The following MAP2K2 variants were observed in gnomAD, a reference collection of about 807,000 sequenced individuals.
The protein encoded by MAP2K2 is mitogen-activated protein kinase kinase 2, also known as dual specificity mitogen-activated protein kinase kinase 2.
Under a neutral mutation model 43.7 loss-of-function variants are expected in MAP2K2, and 24 were observed. That is an observed-to-expected ratio of 0.55 (90% CI 0.40 to 0.77). The LOEUF (loss-of-function observed/expected upper bound fraction) is 0.77. Ranked by LOEUF, MAP2K2 falls within the 30% of genes least tolerant of loss-of-function variation. The pLI, the probability that MAP2K2 is intolerant of heterozygous loss-of-function variation, is 0.00. For synonymous variants in MAP2K2, 244 were observed against 239.7 expected (o/e 1.02, Z -0.17); for missense variants, 470 against 566.8 (o/e 0.83, Z 1.73).
chr19:4,102,702 C>T (rs913967254), intron 3 of MAP2K2: 3 of 1,186,142 alleles, frequency 2.5e-6, no homozygotes, highest in Non-Finnish European at 3.4e-6. Context: ...ATCCTCGAAT[C>T]AGTTGCGTGA....
chr19:4,099,592 A>C lies in MAP2K2; in HGVS notation c.706-178T>G, dbSNP rs1367434774. The C allele has an allele frequency of 2.1e-5, 13 of 618,416 alleles. No individual in the cohort carries two copies. The Admixed American group carries it at 2.5e-4, about 12-fold the overall frequency. 38.3% of individuals were successfully genotyped at this position (618,416 alleles called of 1,614,324 possible). A position where few individuals can be genotyped will look rare whatever the true frequency, so the allele number is the denominator to read the frequency against. On this transcript the variant is annotated intron_variant, in intron 6 of 10. Coordinates refer to ENST00000262948, the MANE Select transcript of MAP2K2 (RefSeq NM_030662.4). ...CACCCACCCAGGGCCTCCCTGCGGC[A>C]CTTGCTGAAGAGGCTTCCAGCCCGA...
In MAP2K2 at chr19:4,101,325, C is replaced by G. The variant is rs536555820; in HGVS notation, c.529-45G>C. The G allele has an allele frequency of 2.6e-6, 4 of 1,555,774 alleles. No homozygotes were observed. Among genetic ancestry groups the G allele is most frequent in the South Asian group, 1.2e-5 (1 of 84,478 alleles). Reference sequence around the variant, plus strand: ...GAGTCACGGGACAAGGCCACCAGGGCTTAGCTCCTGACCGAGCCCGGGGGT... The same window carrying G: ...GAGTCACGGGACAAGGCCACCAGGGGTTAGCTCCTGACCGAGCCCGGGGGT... On this transcript the variant is annotated intron_variant, in intron 4 of 10. Coordinates refer to ENST00000262948, the MANE Select transcript of MAP2K2 (RefSeq NM_030662.4). The surrounding 1 kb of genome is among the most constrained non-coding windows in gnomAD (Gnocchi z 6.3).
chr19:4,112,550 T>C (rs1473379403), intron 2 of MAP2K2, among the ~76,000 whole-genome samples: 2 of 152,162 alleles, frequency 1.3e-5, no homozygotes, highest in Non-Finnish European at 2.9e-5. Flanking sequence ...TCTAGGCCTG[T>C]GACCTTGAGA....
At chr19:4,107,759 G>C (rs919831021) in intron 3 of MAP2K2, among the ~76,000 whole-genome samples, 5 of 152,034 alleles carry the variant, frequency 3.3e-5, no homozygotes, top group Non-Finnish European at 7.4e-5. Flanking sequence ...AGATGACATA[G>C]AAATATGAGG....
At chr19:4,106,124 C>T (rs1396407678) in intron 3 of MAP2K2, among the ~76,000 whole-genome samples, 1 of 152,194 alleles carries the variant, frequency 6.6e-6, no homozygotes, top group Non-Finnish European at 1.5e-5. Context: ...GAGTTTAAAA[C>T]AACATCGAAA....
chr19:4,099,403 C>T lies in MAP2K2; in HGVS notation c.717G>A (p.Leu239=), dbSNP rs2145050522. The stretch of plus-strand genomic sequence containing the variant: ...ACTGCACCGAGTAATGTGTGCCCTG[C>T]AACCGCTCCGGCTGCAGCAGAGCCA... ...GTRSYMAPER[L]QGTHYSVQSD... is the part of the protein sequence containing the mutation. The change falls in exon 7 of 11, where the codon TTG becomes TTA. Residue 239 remains leucine (L), a synonymous_variant. Coordinates refer to ENST00000262948, the MANE Select transcript of MAP2K2 (RefSeq NM_030662.4). 1 of 1,607,674 alleles carries T rather than the reference C, an allele frequency of 6.2e-7. No individual in the cohort carries two copies. Among genetic ancestry groups the T allele is most frequent in the Non-Finnish European group, 8.5e-7 (1 of 1,177,296 alleles).
intron 3 of MAP2K2, among the ~76,000 whole-genome samples, chr19:4,106,959 C>T (rs1355266320): frequency 6.6e-6 from 1 of 152,234 alleles, no homozygotes; most frequent in African/African-American, 2.4e-5. Flanking sequence ...CCGTAAGCCA[C>T]TGGCTCTCCT....
chr19:4,095,685 A>C (rs977564849), intron 8 of MAP2K2, among the ~76,000 whole-genome samples: 1 of 151,918 alleles, frequency 6.6e-6, no homozygotes, highest in Non-Finnish European at 1.5e-5. Context: ...TCAACAGGAC[A>C]ACCTCTCGAG....
chr19:4,094,893 C>T (rs923994271), intron 9 of MAP2K2: 21 of 382,338 alleles, frequency 5.5e-5, no homozygotes, highest in East Asian at 8.7e-5. Flanking sequence ...CACGGCGTCC[C>T]GAGCTCACAC....
chr19:4,097,706 G>A (rs953645704), intron 7 of MAP2K2, among the ~76,000 whole-genome samples: 1 of 152,208 alleles, frequency 6.6e-6, no homozygotes, highest in African/African-American at 2.4e-5. Flanking sequence ...GGACAGCCGC[G>A]TGACCTTGCA....
Position 4,090,490 on chromosome 19 carries a change from G to A in MAP2K2, c.*108C>T, listed in dbSNP as rs1014622908. The A allele has an allele frequency of 5.7e-5, 54 of 940,758 alleles. No individual in the cohort carries two copies. The East Asian group carries it at 1.4e-3, about 24-fold the overall frequency. The allele number at this position is 940,758 out of a possible 1,614,324, so 58.3% of individuals were successfully genotyped here. ...CCGCCACGGTGCTCTCCGCAGGGGT[G>A]AGGCAGGAGGGTGGGTGGAGGCGCC... On this transcript the variant is annotated 3_prime_UTR_variant, in exon 11 of 11. Transcript: ENST00000262948.
intron 2 of MAP2K2, among the ~76,000 whole-genome samples, chr19:4,116,400 T>G (rs886214419): frequency 1.3e-5 from 2 of 152,016 alleles, no homozygotes; most frequent in Admixed American, 1.3e-4. Flanking sequence ...TGTGGTGGCA[T>G]GCACCTGTAA....
intron 3 of MAP2K2, among the ~76,000 whole-genome samples, chr19:4,104,156 T>C (rs2041053901): frequency 6.6e-6 from 1 of 150,606 alleles, no homozygotes; most frequent in Admixed American, 6.6e-5. Context: ...TCTCAGCTAC[T>C]CGGGAGGCTG....
chr19:4,094,837 G>A (rs772185354), intron 9 of MAP2K2: 6 of 435,058 alleles, frequency 1.4e-5, no homozygotes, highest in South Asian at 2.7e-5. Context: ...CGGAGCGCAC[G>A]CCAAGGGCCC....
In MAP2K2 at chr19:4,108,008, C is replaced by T. The variant is rs559669054; in HGVS notation, c.450+2501G>A. 2.0e-3 allele frequency among the ~76,000 whole-genome samples: 312 copies of T among 152,304 alleles called. 2 individuals carry two copies. Among genetic ancestry groups the T allele is most frequent in the African/African-American group, 7.3e-3 (303 of 41,548 alleles). On this transcript the variant is annotated intron_variant, in intron 3 of 10. Transcript: ENST00000262948. ...TCCTCAGCCCCGGTGCTAAGCTGCCCCTTTGCCTCACTGGGGTGGCCTGGG... is the reference window on the plus strand; with the variant it reads ...TCCTCAGCCCCGGTGCTAAGCTGCCTCTTTGCCTCACTGGGGTGGCCTGGG...
intron 4 of MAP2K2, among the ~76,000 whole-genome samples, chr19:4,102,075 G>A (rs576596988): frequency 1.3e-5 from 2 of 152,252 alleles, no homozygotes; most frequent in East Asian, 1.9e-4. Context: ...CCCCTGCAAC[G>A]TGCCAGCTGC....
intron 3 of MAP2K2, chr19:4,104,610 CA>C (rs2041060297): frequency 6.6e-6 from 1 of 152,274 alleles, no homozygotes; most frequent in African/African-American, 2.4e-5. Context: ...TGGCGAAAAC[CA>C]AACAGACGCA....
chr19:4,118,417 C>T (rs969921771), intron 1 of MAP2K2, among the ~76,000 whole-genome samples: 2 of 152,096 alleles, frequency 1.3e-5, no homozygotes, highest in African/African-American at 4.8e-5. Flanking sequence ...GAAGGCTCAG[C>T]ACAAAAGCTG....
intron 3 of MAP2K2, among the ~76,000 whole-genome samples, chr19:4,108,704 G>A (rs1000875790): frequency 1.3e-5 from 2 of 152,134 alleles, no homozygotes; most frequent in African/African-American, 2.4e-5. Flanking sequence ...AGAGGTTGGG[G>A]GCGGGTTGCC....
Sources: gnomAD v4.1 joint callset for allele counts (sites outside exome capture counted in the v4.1 genomes callset) on GRCh38, gnomAD v4.1.1 for gene constraint, Gnocchi (gnomAD v3.1) non-coding constraint, MANE v1.5 for transcripts, NCBI Gene and HGNC (gene_info 2026-07-23, HGNC 2026-07-21) for gene names.